Variants in ZHX2 observed in about 807,000 individuals in gnomAD.
ZHX2 encodes the protein zinc fingers and homeoboxes protein 2.
A neutral mutation model predicts 21.9 loss-of-function variants in ZHX2; 6 were observed. The ratio of observed to expected loss-of-function variants is 0.27; its 90% confidence interval spans 0.15 to 0.54. The LOEUF (loss-of-function observed/expected upper bound fraction) is 0.54. Among genes scored for constraint, ZHX2 ranks in the 20% least tolerant of loss-of-function variants. The pLI, the probability that ZHX2 is intolerant of heterozygous loss-of-function variation, is 0.95. For synonymous variants in ZHX2, 434 were observed against 437.1 expected, an observed-to-expected ratio of 0.99 and a Z score of 0.09; for missense variants, 908 against 1,090.7, an observed-to-expected ratio of 0.83 and a Z score of 2.36.
rs1813198489 is a variant in ZHX2 at position 122,953,511 on chromosome 8, G to A, written c.2001G>A (p.Leu667=). 2 of 1,614,126 alleles carry A rather than the reference G, an allele frequency of 1.2e-6. No individual in the cohort carries two copies. Among genetic ancestry groups the A allele is most frequent in the South Asian group, 2.2e-5 (2 of 91,084 alleles). The change falls in exon 3 of 4, where the codon CTG becomes CTA. Residue 667 remains leucine (L), a synonymous_variant. Coordinates refer to ENST00000314393, the MANE Select transcript of ZHX2 (RefSeq NM_014943.5). The surrounding 1 kb of genome is among the most constrained non-coding windows in gnomAD (Gnocchi z 4.6). ...ACCAGTTAGCGGCCAAGACTGGCCT[G>A]GTCCGAACTGAGATTGTGCGTTGGT... The part of the protein sequence containing the change: ...EYDQLAAKTG[L]VRTEIVRWFK...
intron 2 of ZHX2, among the ~76,000 whole-genome samples, 169 bp from the exon 3 acceptor site, chr8:122,951,123 A>G (rs1302134200): frequency 6.6e-6 from 1 of 152,166 alleles, no homozygotes; most frequent in Non-Finnish European, 1.5e-5. Context: ...AAAGGAAGAG[A>G]AGAAGAATGT....
chr8:122,959,260 T>C (rs918272834), intron 3 of ZHX2, among the ~76,000 whole-genome samples: 1 of 152,204 alleles, frequency 6.6e-6, no homozygotes, highest in Non-Finnish European at 1.5e-5. Flanking sequence ...AAAGGTATTT[T>C]CCATGGTTCG....
At chr8:122,866,764 CAAG>C (rs1819307947) in intron 2 of ZHX2, among the ~76,000 whole-genome samples, 1 of 152,144 alleles carries the variant, frequency 6.6e-6, no homozygotes, top group Admixed American at 6.5e-5. Context: ...GCTGAGGAGG[CAAG>C]AAGAACTGTA....
intron 2 of ZHX2, among the ~76,000 whole-genome samples, chr8:122,925,304 G>T (rs1446365612): frequency 6.6e-6 from 1 of 152,208 alleles, no homozygotes; most frequent in Non-Finnish European, 1.5e-5. Flanking sequence ...GAGATAGGCA[G>T]CGTAGAGGAG....
chr8:122,781,170 C>A (rs1343617612), upstream of ZHX2: 5 of 152,232 alleles, frequency 3.3e-5, no homozygotes, highest in African/African-American at 1.2e-4. The surrounding 1 kb of genome is among the most constrained non-coding windows in gnomAD (Gnocchi z 4.6). Flanking sequence ...CGCGCACAGT[C>A]CCACGCAAAG....
chr8:122,793,948 A>G (rs2384843), intron 1 of ZHX2, among the ~76,000 whole-genome samples: 42,789 of 152,030 alleles, frequency 0.28, 6,855 homozygotes, highest in Non-Finnish European at 0.37. Context: ...CATCTGTGCT[A>G]TAGGGTCCTC....
intron 1 of ZHX2, among the ~76,000 whole-genome samples, chr8:122,837,832 C>T (rs113776181): frequency 4.0e-4 from 61 of 152,298 alleles, no homozygotes; most frequent in African/African-American, 1.4e-3. Context: ...AGAGTTAAGG[C>T]TGAGAAGAAA....
intron 1 of ZHX2, among the ~76,000 whole-genome samples, chr8:122,834,549 G>A (rs1212087634): frequency 6.6e-6 from 1 of 152,234 alleles, no homozygotes. Flanking sequence ...GTAAGCATTC[G>A]AAACTCTGCC....
At chr8:122,903,777 A>G (rs1176517466) in intron 2 of ZHX2, among the ~76,000 whole-genome samples, 2 of 152,176 alleles carry the variant, frequency 1.3e-5, no homozygotes, top group Non-Finnish European at 2.9e-5. Context: ...GACACGGGGC[A>G]GGTAGATAGA....
rs1817295783 is a variant in ZHX2, at chr8:122,781,962, T to C, written c.-283+16T>C. ...CCCAGCGCAGGTAAGAAACTTCGCC[T>C]CGGCGCGGAGCCCCCCAGCCGGCGC... On this transcript the variant is annotated intron_variant, in intron 1 of 3. Transcript: ENST00000314393. This position sits in a 1 kb window ranked among gnomAD's most constrained non-coding sequence, Gnocchi z 4.6. 6.6e-6 allele frequency: 1 copy of C among 152,140 alleles called. No individual in the cohort carries two copies. The highest frequency in any genetic ancestry group is 2.4e-5 in the African/African-American group (1 of 41,414). 9.4% of individuals were successfully genotyped at this position (152,140 alleles called of 1,614,324 possible). A position where few individuals can be genotyped will look rare whatever the true frequency, so the allele number is the denominator to read the frequency against.
At chr8:122,970,096 C>T (rs939617617) in intron 3 of ZHX2, among the ~76,000 whole-genome samples, 1 of 151,974 alleles carries the variant, frequency 6.6e-6, no homozygotes, top group Admixed American at 6.6e-5. Flanking sequence ...AATGCCTGTC[C>T]GATGGCCTTG....
chr8:122,900,396 A>G (rs1820199354), intron 2 of ZHX2, among the ~76,000 whole-genome samples: 1 of 152,152 alleles, frequency 6.6e-6, no homozygotes. Context: ...TTGAGAATTA[A>G]TAGAGTGAGA....
chr8:122,842,549 C>CAA (rs11415233), intron 1 of ZHX2, among the ~76,000 whole-genome samples: 2 of 152,048 alleles, frequency 1.3e-5, no homozygotes, highest in Admixed American at 6.5e-5. Flanking sequence ...ACTAAAAACA[C>CAA]AAAAAAATAG....
intron 3 of ZHX2, among the ~76,000 whole-genome samples, chr8:122,970,975 T>A (rs539457060): frequency 2.6e-5 from 4 of 152,354 alleles, no homozygotes; most frequent in Non-Finnish European, 4.4e-5. Context: ...GAGGAGCAAT[T>A]AAGAATCAGG....
chr8:122,796,638 A>G (rs578257360), intron 1 of ZHX2, among the ~76,000 whole-genome samples: 2 of 152,342 alleles, frequency 1.3e-5, no homozygotes, highest in East Asian at 3.9e-4. Context: ...TCCTGAAAAT[A>G]AAAGTCAGAT....
At chr8:122,967,879 T>C (rs1193258083) in intron 3 of ZHX2, among the ~76,000 whole-genome samples, 1 of 152,178 alleles carries the variant, frequency 6.6e-6, no homozygotes, top group Non-Finnish European at 1.5e-5. Flanking sequence ...TCTTAGGCAA[T>C]GGACAGGACC....
At chr8:122,921,776 T>C (rs1820747319) in intron 2 of ZHX2, among the ~76,000 whole-genome samples, 1 of 152,144 alleles carries the variant, frequency 6.6e-6, no homozygotes, top group Non-Finnish European at 1.5e-5. Context: ...TGTATACCTA[T>C]ATCAAAACAA....
intron 1 of ZHX2, among the ~76,000 whole-genome samples, chr8:122,841,400 C>T (rs1394455264): frequency 2.6e-5 from 4 of 152,162 alleles, no homozygotes; most frequent in African/African-American, 9.7e-5. Context: ...TAGAGATCTC[C>T]CTATCCACCA....
intron 1 of ZHX2, among the ~76,000 whole-genome samples, chr8:122,836,499 G>A (rs113609359): frequency 9.1e-4 from 139 of 152,266 alleles, no homozygotes; most frequent in Middle Eastern, 3.4e-3. Context: ...GCGCGCGTTC[G>A]AACCAACAGA....
Sources: allele counts gnomAD v4.1 joint callset (sites outside exome capture counted in the v4.1 genomes callset), GRCh38; gene constraint gnomAD v4.1.1; non-coding constraint Gnocchi (gnomAD v3.1); transcripts MANE v1.5; gene names NCBI Gene and HGNC (gene_info 2026-07-23, HGNC 2026-07-21).